Variants in MACROD2 observed in about 807,000 individuals in gnomAD.
The protein encoded by MACROD2 is ADP-ribose glycohydrolase MACROD2.
Under a neutral mutation model 70.4 loss-of-function variants are expected in MACROD2, and 36 were observed. The ratio of observed to expected loss-of-function variants is 0.51; its 90% CI spans 0.39 to 0.68. The LOEUF (loss-of-function observed/expected upper bound fraction) is 0.68, where lower values mean the gene tolerates loss of function less well. Ranked by LOEUF, MACROD2 falls within the 30% of genes least tolerant of loss-of-function variation. MACROD2 has a pLI of 0.00. For synonymous variants in MACROD2, 172 were observed against 178.8 expected (o/e 0.96, Z 0.30); for missense variants, 496 against 538.4 (o/e 0.92, Z 0.78).
intron 8 of MACROD2, among the ~76,000 whole-genome samples, chr20:15,602,582 G>A (rs1212061117): frequency 6.6e-6 from 1 of 151,892 alleles, no homozygotes; most frequent in African/African-American, 2.4e-5. Context: ...TTCTTTATTA[G>A]CCCAGGATCT....
At chr20:15,424,639 G>C (rs912490695) in intron 6 of MACROD2, among the ~76,000 whole-genome samples, 1 of 152,198 alleles carries the variant, frequency 6.6e-6, no homozygotes, top group Admixed American at 6.5e-5. Context: ...AGAATGGCTT[G>C]AGCACAGGAC....
chr20:14,768,353 T>G (rs1427618707), intron 5 of MACROD2, among the ~76,000 whole-genome samples: 2 of 152,138 alleles, frequency 1.3e-5, no homozygotes, highest in African/African-American at 4.8e-5. Context: ...CTAGGGTTGC[T>G]GCAGGAACCC....
chr20:14,218,096 C>G (rs1343800690), intron 3 of MACROD2, among the ~76,000 whole-genome samples: 2 of 152,274 alleles, frequency 1.3e-5, no homozygotes, highest in South Asian at 2.1e-4. Context: ...GATGACCTGT[C>G]TAGTGCTGTC....
At chr20:15,032,354 G>A (rs1318801485) in intron 5 of MACROD2, among the ~76,000 whole-genome samples, 3 of 152,328 alleles carry the variant, frequency 2.0e-5, no homozygotes, top group East Asian at 1.9e-4. Flanking sequence ...CTGCCCTGGC[G>A]CGCCTACCCC....
At chr20:14,896,663 T>C (rs1446335125) in intron 5 of MACROD2, among the ~76,000 whole-genome samples, 1 of 147,690 alleles carries the variant, frequency 6.8e-6, no homozygotes, top group East Asian at 2.0e-4. Context: ...AAAAAAAAAA[T>C]GACATCAAGC....
At chr20:14,502,978 T>C (rs1173253377) in intron 4 of MACROD2, among the ~76,000 whole-genome samples, 1 of 152,178 alleles carries the variant, frequency 6.6e-6, no homozygotes, top group Non-Finnish European at 1.5e-5. Flanking sequence ...GTATGAGGAA[T>C]TCCAGCTTCA....
chr20:14,708,080 GACTA>G (rs1390382268), intron 5 of MACROD2, among the ~76,000 whole-genome samples: 2 of 152,120 alleles, frequency 1.3e-5, no homozygotes, highest in African/African-American at 4.8e-5. Flanking sequence ...CAACAATAGT[GACTA>G]ACTCACAGGA....
intron 10 of MACROD2, among the ~76,000 whole-genome samples, chr20:15,900,395 C>A (rs775127252): frequency 6.6e-6 from 1 of 152,112 alleles, no homozygotes; most frequent in Non-Finnish European, 1.5e-5. Flanking sequence ...TTGCTTTAAT[C>A]ATATTTTTCT....
intron 15 of MACROD2, among the ~76,000 whole-genome samples, chr20:15,999,073 A>G (rs1013800973): frequency 6.6e-6 from 1 of 151,930 alleles, no homozygotes; most frequent in Admixed American, 6.6e-5. Flanking sequence ...TTAGTTCCTT[A>G]AAGTGTAAAG....
At chr20:15,487,159 G>A (rs147400631) in intron 7 of MACROD2, among the ~76,000 whole-genome samples, 3 of 152,174 alleles carry the variant, frequency 2.0e-5, no homozygotes, top group Non-Finnish European at 4.4e-5. Flanking sequence ...CATTGATGGG[G>A]CAGGGAAATA....
intron 5 of MACROD2, among the ~76,000 whole-genome samples, chr20:15,201,960 A>G (rs1008351832): frequency 2.6e-5 from 4 of 152,198 alleles, no homozygotes; most frequent in African/African-American, 9.7e-5. Flanking sequence ...GCATGTGTAT[A>G]AAATACAGGA....
chr20:14,858,943 A>G (rs1406856391), intron 5 of MACROD2, among the ~76,000 whole-genome samples: 1 of 152,156 alleles, frequency 6.6e-6, no homozygotes, highest in African/African-American at 2.4e-5. Context: ...TAATTTAAAG[A>G]AATATTCAGG....
chr20:14,289,730 C>A (rs985183150), intron 3 of MACROD2, among the ~76,000 whole-genome samples: 1 of 152,060 alleles, frequency 6.6e-6, no homozygotes, highest in Non-Finnish European at 1.5e-5. Context: ...TTGGTAGAGA[C>A]AGGGTCTCAC....
At chr20:15,386,886 T>C (rs1006274436) in intron 6 of MACROD2, among the ~76,000 whole-genome samples, 12 of 152,224 alleles carry the variant, frequency 7.9e-5, no homozygotes, top group Non-Finnish European at 8.8e-5. Context: ...AAAGTTCCTG[T>C]AATCTGTGAT....
At chr20:15,152,200 C>A (rs553670734) in intron 5 of MACROD2, among the ~76,000 whole-genome samples, 1 of 151,938 alleles carries the variant, frequency 6.6e-6, no homozygotes, top group East Asian at 1.9e-4. Flanking sequence ...TGGGGTCAAG[C>A]GGCATTGCAG....
chr20:14,095,738 T>G (rs368248886), intron 3 of MACROD2, among the ~76,000 whole-genome samples: 38 of 152,198 alleles, frequency 2.5e-4, no homozygotes, highest in African/African-American at 8.2e-4. Context: ...CTCTATTAAA[T>G]AATACCTCAT....
intron 4 of MACROD2, among the ~76,000 whole-genome samples, chr20:14,586,700 G>T (rs1226345795): frequency 2.0e-5 from 3 of 152,010 alleles, no homozygotes; most frequent in Non-Finnish European, 2.9e-5. Flanking sequence ...ACAAAAGTTA[G>T]TGAATAAATG....
chr20:14,514,070 T>G (rs148772425), intron 4 of MACROD2, among the ~76,000 whole-genome samples: 5 of 152,268 alleles, frequency 3.3e-5, no homozygotes, highest in Admixed American at 1.3e-4. Flanking sequence ...GGACTTACCA[T>G]AAAGTGACTT....
At chr20:15,140,773 G>C (rs377379285) in intron 5 of MACROD2, among the ~76,000 whole-genome samples, 7 of 152,198 alleles carry the variant, frequency 4.6e-5, no homozygotes, top group African/African-American at 1.7e-4. Context: ...TGCTCCCTTA[G>C]GGACCTTAAT....
Sources: allele counts gnomAD v4.1 joint callset (sites outside exome capture counted in the v4.1 genomes callset), GRCh38; gene constraint gnomAD v4.1.1; transcripts MANE v1.5; gene names NCBI Gene and HGNC (gene_info 2026-07-23, HGNC 2026-07-21).